Variants in AKNAD1 observed in about 807,000 individuals in gnomAD.
The protein encoded by AKNAD1 is AKNA domain containing 1.
In AKNAD1, 67 loss-of-function variants were observed where a neutral mutation model predicts 90.8. That is an observed-to-expected ratio of 0.74 (90% CI 0.61 to 0.90). The LOEUF is 0.90. Among genes scored for constraint, AKNAD1 ranks in the 40% least tolerant of loss-of-function variants. The probability of loss-of-function intolerance (pLI) is 0.00; values close to 1 mark genes in which losing one functional copy is unlikely to be tolerated. For synonymous variants in AKNAD1, 327 were observed against 341.4 expected (o/e 0.96, Z 0.46); for missense variants, 957 against 975.4 (o/e 0.98, Z 0.25).
At chr1:108,838,775 C>T (rs1664453487) in intron 6 of AKNAD1, among the ~76,000 whole-genome samples, 1 of 151,964 alleles carries the variant, frequency 6.6e-6, no homozygotes, top group Non-Finnish European at 1.5e-5. Context: ...TCCATATCAA[C>T]ACCATTTAAA....
intron 13 of AKNAD1, among the ~76,000 whole-genome samples, chr1:108,821,621 T>G (rs971424654): frequency 3.9e-5 from 6 of 152,174 alleles, no homozygotes; most frequent in Admixed American, 6.5e-5. Flanking sequence ...GCCAAATGGA[T>G]TTCTGAAATC....
At position 108,816,184 on chromosome 1, in the gene AKNAD1, C is replaced by A; in HGVS notation, c.2498G>T (p.Arg833Leu). 1 of 1,604,718 alleles carries A rather than the reference C, an allele frequency of 6.2e-7. No individual in the cohort carries two copies. The highest frequency in any genetic ancestry group is 8.5e-7 in the Non-Finnish European group (1 of 1,176,786). Residue 833 changes from arginine (R) to leucine (L), a missense_variant, in exon 16 of 16, where the codon CGA becomes CTA. By Grantham distance (102) the Arg-to-Leu change is moderately radical. Coordinates refer to ENST00000370001, the MANE Select transcript of AKNAD1 (RefSeq NM_152763.5). ...DLAKAQRWRNRLKY is the reference protein window; with the variant it reads ...DLAKAQRWRNLLKY ...CCTAGCGTTGAACTAGTATTTCAGT[C>A]GATTCCTCCACCTCTGTGCTTTAGC...
chr1:108,818,546 G>A (rs1490334458), intron 14 of AKNAD1, among the ~76,000 whole-genome samples: 1 of 152,100 alleles, frequency 6.6e-6, no homozygotes, highest in Non-Finnish European at 1.5e-5. Flanking sequence ...CATTCTAAGT[G>A]CTTTATATGT....
Position 108,818,365 on chromosome 1 carries a change from G to C in AKNAD1, c.2250-1188C>G, listed in dbSNP as rs115286208. On this transcript the variant is annotated intron_variant, in intron 14 of 15. Transcript: ENST00000370001. The stretch of plus-strand genomic sequence containing the variant: ...GCAAGTTATTTTAACACATTGGATT[G>C]ATCCTCCAGGCAAGAGGTGGTCCAG... Among the ~76,000 whole-genome samples, 1,264 of 152,266 alleles carry C rather than the reference G, an allele frequency of 8.3e-3. 12 individuals carry two copies. Among genetic ancestry groups the C allele is most frequent in the African/African-American group, 0.029 (1,193 of 41,526 alleles).
chr1:108,851,097 G>A (rs1048606460), intron 2 of AKNAD1, among the ~76,000 whole-genome samples: 9 of 152,310 alleles, frequency 5.9e-5, no homozygotes, highest in South Asian at 2.1e-4. Context: ...ATGGAAAGGC[G>A]AAGATAAGGT....
intron 7 of AKNAD1, among the ~76,000 whole-genome samples, chr1:108,836,247 AGGTC>A: frequency 6.6e-6 from 1 of 152,330 alleles, no homozygotes; most frequent in Non-Finnish European, 1.5e-5. Flanking sequence ...TGACTCCTGC[AGGTC>A]CAAGACTAGC....
At chr1:108,857,778 T>G (rs1665090025), upstream of AKNAD1, among the ~76,000 whole-genome samples, 2 of 152,196 alleles carry the variant, frequency 1.3e-5, no homozygotes, top group Admixed American at 6.5e-5. Context: ...TACAACCACG[T>G]AACACTCACA....
rs572953101 is a variant in AKNAD1, at chr1:108,851,737, T to A, written c.928A>T (p.Asn310Tyr). Residue 310 changes from asparagine to tyrosine, a missense_variant, in exon 2 of 16, where the codon AAC (asparagine) becomes TAC (tyrosine). Coordinates refer to ENST00000370001, the MANE Select transcript of AKNAD1 (RefSeq NM_152763.5). ...QDSLETTPESNCVEKQHQEQK... is the reference protein window; with the variant it reads ...QDSLETTPESYCVEKQHQEQK... ...TCTTGATGTTGTTTTTCAACACAGTTTGACTCAGGCGTGGTTTCTAGACTA... is the reference window on the plus strand; with the variant it reads ...TCTTGATGTTGTTTTTCAACACAGTATGACTCAGGCGTGGTTTCTAGACTA... 1.2e-6 allele frequency: 2 copies of A among 1,608,140 alleles called. No homozygotes were observed. The highest frequency in any genetic ancestry group is 1.7e-6 in the Non-Finnish European group (2 of 1,178,572).
At chr1:108,821,983 C>T (rs1165943369) in intron 13 of AKNAD1, among the ~76,000 whole-genome samples, 2 of 152,148 alleles carry the variant, frequency 1.3e-5, no homozygotes. Flanking sequence ...GATTGTCCCT[C>T]AGACATGCAA....
chr1:108,830,050 G>C (rs762349675), intron 10 of AKNAD1, among the ~76,000 whole-genome samples: 50 of 152,306 alleles, frequency 3.3e-4, no homozygotes, highest in Non-Finnish European at 5.9e-4. Flanking sequence ...GAGGGATGAG[G>C]CTTGTTCCTG....
At chr1:108,842,627 G>A (rs938779859) in intron 6 of AKNAD1, among the ~76,000 whole-genome samples, 14 of 152,104 alleles carry the variant, frequency 9.2e-5, no homozygotes, top group African/African-American at 3.4e-4. Context: ...TGCCCAGTGT[G>A]CCTTGGAATT....
chr1:108,833,722 G>T (rs1230916158), intron 9 of AKNAD1, among the ~76,000 whole-genome samples: 1 of 142,920 alleles, frequency 7.0e-6, no homozygotes, highest in African/African-American at 2.7e-5. Context: ...TTTTTCCCAT[G>T]GTTTTTTTTT....
At chr1:108,855,882 T>TTTA (rs1557840820) in intron 1 of AKNAD1, among the ~76,000 whole-genome samples, 10 of 127,896 alleles carry the variant, frequency 7.8e-5, no homozygotes, top group African/African-American at 2.0e-4. Flanking sequence ...GAGTATCTTT[T>TTTA]TTTTTTTTTT....
Position 108,851,856 on chromosome 1 carries a change from A to G in AKNAD1, c.809T>C (p.Ile270Thr). Residue 270 changes from isoleucine to threonine, a missense_variant, in exon 2 of 16, where the codon ATT becomes ACT. By Grantham distance (89) the Ile-to-Thr change is moderately conservative. Coordinates refer to ENST00000370001, the MANE Select transcript of AKNAD1 (RefSeq NM_152763.5). ...DFSKIAPKVK[I>T]PKNKIINKPL... ...TTTATTAATTATCTTATTTTTAGGAATTTTCACTTTGGGAGCAATCTTAGA... is the reference window on the plus strand; with the variant it reads ...TTTATTAATTATCTTATTTTTAGGAGTTTTCACTTTGGGAGCAATCTTAGA... 7 of 1,613,548 alleles carry G rather than the reference A, an allele frequency of 4.3e-6. No individual in the cohort carries two copies. Among genetic ancestry groups the G allele is most frequent in the Non-Finnish European group, 5.1e-6 (6 of 1,179,886 alleles).
In AKNAD1 at chr1:108,834,540, A is replaced by C. The variant is rs764018252; in HGVS notation, c.1665-12T>G. 1 of 1,583,622 alleles carries C rather than the reference A, an allele frequency of 6.3e-7. No individual in the cohort carries two copies. The highest frequency in any genetic ancestry group is 8.6e-7 in the Non-Finnish European group (1 of 1,166,294). The stretch of plus-strand genomic sequence containing the variant: ...GACCGTTTAGGTAACTAATTTAAAA[A>C]AAAAAAAAGCAGTTTGAATGTTAGA... On this transcript the variant is annotated splice_polypyrimidine_tract_variant and intron_variant, in intron 8 of 15. Transcript: ENST00000370001.
chr1:108,838,023 A>G (rs1664437117), intron 6 of AKNAD1, among the ~76,000 whole-genome samples: 1 of 152,224 alleles, frequency 6.6e-6, no homozygotes, highest in African/African-American at 2.4e-5. Context: ...ATCCCTTACA[A>G]GGGATTCTAA....
intron 14 of AKNAD1, among the ~76,000 whole-genome samples, chr1:108,818,746 T>C (rs1241727742): frequency 6.6e-6 from 1 of 151,912 alleles, no homozygotes; most frequent in Non-Finnish European, 1.5e-5. Context: ...GTGAATCACC[T>C]GAGGTCAAGA....
chr1:108,833,848 C>A (rs527320347), intron 9 of AKNAD1, among the ~76,000 whole-genome samples: 51 of 151,826 alleles, frequency 3.4e-4, no homozygotes, highest in Non-Finnish European at 4.7e-4. Flanking sequence ...AGTTGGAGAC[C>A]CGGGCATCAC....
intron 5 of AKNAD1, among the ~76,000 whole-genome samples, chr1:108,848,305 C>G (rs1391730064): frequency 1.3e-5 from 2 of 152,122 alleles, no homozygotes; most frequent in East Asian, 3.8e-4. Context: ...CAGCAACTAG[C>G]AAGGATATGA....
Sources: allele counts gnomAD v4.1 joint callset (sites outside exome capture counted in the v4.1 genomes callset), GRCh38; gene constraint gnomAD v4.1.1; transcripts MANE v1.5; gene names NCBI Gene and HGNC (gene_info 2026-07-23, HGNC 2026-07-21).